Variants in IGSF21 observed in about 807,000 individuals in gnomAD.
IGSF21 encodes the protein immunoglobin superfamily member 21.
A neutral mutation model predicts 46.8 loss-of-function variants in IGSF21; 28 were observed. That is an observed-to-expected ratio of 0.60 (90% CI 0.44 to 0.82). IGSF21 has a LOEUF of 0.82. Ranked by LOEUF, IGSF21 falls within the 40% of genes least tolerant of loss-of-function variation. The pLI is 0.00. For synonymous variants in IGSF21, 284 were observed against 273.6 expected (o/e 1.04, Z -0.38); for missense variants, 624 against 665.5 (o/e 0.94, Z 0.69).
At chr1:18,279,120 T>G (rs1433752048) in intron 2 of IGSF21, among the ~76,000 whole-genome samples, 1 of 152,168 alleles carries the variant, frequency 6.6e-6, no homozygotes, top group East Asian at 1.9e-4. Context: ...AGCAACTTGA[T>G]TCTTCTAAGC....
At chr1:18,189,733 A>G (rs1261499812) in intron 1 of IGSF21, among the ~76,000 whole-genome samples, 1 of 152,088 alleles carries the variant, frequency 6.6e-6, no homozygotes, top group African/African-American at 2.4e-5. Flanking sequence ...ATCTGACAGG[A>G]GGTGGAGCTC....
intron 2 of IGSF21, among the ~76,000 whole-genome samples, chr1:18,235,148 A>T (rs1244432170): frequency 6.6e-6 from 1 of 152,240 alleles, no homozygotes; most frequent in Non-Finnish European, 1.5e-5. Flanking sequence ...CTGGAGCCTC[A>T]GGGCATTTGT....
intron 1 of IGSF21, among the ~76,000 whole-genome samples, chr1:18,189,232 T>C (rs1468478114): frequency 6.6e-6 from 1 of 152,226 alleles, no homozygotes; most frequent in Non-Finnish European, 1.5e-5. Flanking sequence ...TAGTTCTCTC[T>C]CTCGCTTGCT....
chr1:18,355,417 T>C (rs2086005236), intron 4 of IGSF21, among the ~76,000 whole-genome samples: 1 of 152,128 alleles, frequency 6.6e-6, no homozygotes, highest in South Asian at 2.1e-4. Flanking sequence ...AACCATTACC[T>C]CCCTGTGTCG....
At chr1:18,353,582 C>A (rs2085983273) in intron 4 of IGSF21, among the ~76,000 whole-genome samples, 1 of 152,084 alleles carries the variant, frequency 6.6e-6, no homozygotes, top group African/African-American at 2.4e-5. Flanking sequence ...AGAAAATATA[C>A]AAAATGCTGG....
chr1:18,244,294 C>T (rs1210414311), intron 2 of IGSF21, among the ~76,000 whole-genome samples: 1 of 152,218 alleles, frequency 6.6e-6, no homozygotes, highest in East Asian at 1.9e-4. Context: ...GGACGGAGCC[C>T]TAGCCTGCCA....
intron 1 of IGSF21, among the ~76,000 whole-genome samples, chr1:18,222,343 T>C (rs938922389): frequency 5.3e-5 from 8 of 152,134 alleles, no homozygotes; most frequent in African/African-American, 1.9e-4. Flanking sequence ...AATCTTCTCT[T>C]CTCTCCAGTC....
chr1:18,292,076 T>A (rs2085273359), intron 3 of IGSF21, 89 bp downstream of exon 3: 2 of 1,363,094 alleles, frequency 1.5e-6, no homozygotes, highest in East Asian at 2.3e-5. Context: ...CCCTTTCACA[T>A]CAATCCCTCG....
intron 1 of IGSF21, among the ~76,000 whole-genome samples, chr1:18,153,576 G>T (rs935484808): frequency 6.6e-6 from 1 of 152,312 alleles, no homozygotes; most frequent in African/African-American, 2.4e-5. Flanking sequence ...GACTGACTGG[G>T]AACCAGGTGC....
chr1:18,369,568 T>C (rs373217612), intron 6 of IGSF21, among the ~76,000 whole-genome samples: 7 of 152,314 alleles, frequency 4.6e-5, no homozygotes, highest in African/African-American at 1.4e-4. Context: ...ACCAGTGGAA[T>C]GTGCCATGAG....
intron 1 of IGSF21, among the ~76,000 whole-genome samples, chr1:18,191,596 C>G (rs755361716): frequency 2.6e-5 from 4 of 152,006 alleles, no homozygotes; most frequent in African/African-American, 9.6e-5. Context: ...TCCCCTGGCG[C>G]GGGAGCACAC....
rs2086120376 is a variant in IGSF21 at position 18,109,262 on chromosome 1, C to T, written c.70+1064C>T. The T allele has an allele frequency of 1.3e-5, 2 of 150,998 alleles. No homozygotes were observed. The highest frequency in any genetic ancestry group is 1.3e-4 in the Admixed American group (2 of 15,234). The allele number at this position is 150,998 out of a possible 1,614,324, so 9.4% of individuals were successfully genotyped here. On this transcript the variant is annotated intron_variant, in intron 1 of 9. Coordinates refer to ENST00000251296, the MANE Select transcript of IGSF21 (RefSeq NM_032880.5). The surrounding 1 kb of genome is among the most constrained non-coding windows in gnomAD (Gnocchi z 4.8). ...GGGACCAGCGAAGAGCCGCAGGCAC[C>T]GAGACTACAGGCTCCGCGTCCGGGA...
At chr1:18,201,589 G>A (rs955335178) in intron 1 of IGSF21, among the ~76,000 whole-genome samples, 21 of 152,142 alleles carry the variant, frequency 1.4e-4, no homozygotes, top group African/African-American at 3.9e-4. Flanking sequence ...TCACGCTGGT[G>A]AGGGACACCA....
At chr1:18,273,417 TTC>T (rs1175748150) in intron 2 of IGSF21, among the ~76,000 whole-genome samples, 18 of 147,542 alleles carry the variant, frequency 1.2e-4, no homozygotes, top group East Asian at 5.9e-4. Flanking sequence ...TTCCTTTCTT[TTC>T]CTTTCCTTTC....
intron 2 of IGSF21, among the ~76,000 whole-genome samples, chr1:18,260,040 C>A (rs528511877): frequency 6.6e-6 from 1 of 152,316 alleles, no homozygotes; most frequent in African/African-American, 2.4e-5. Context: ...TAAAAACATC[C>A]CCCTCATCGT....
intron 2 of IGSF21, among the ~76,000 whole-genome samples, chr1:18,235,719 C>A (rs182324295): frequency 6.6e-6 from 1 of 152,242 alleles, no homozygotes; most frequent in East Asian, 1.9e-4. Context: ...TGGAGTTATT[C>A]TAAGGGCACC....
At chr1:18,223,640 C>A (rs1185681842) in intron 1 of IGSF21, among the ~76,000 whole-genome samples, 1 of 152,200 alleles carries the variant, frequency 6.6e-6, no homozygotes, top group Non-Finnish European at 1.5e-5. Context: ...TATTTTAATA[C>A]TCTACTGATA....
At chr1:18,139,279 T>C (rs2086393410) in intron 1 of IGSF21, among the ~76,000 whole-genome samples, 2 of 152,190 alleles carry the variant, frequency 1.3e-5, no homozygotes, top group Admixed American at 6.5e-5. Flanking sequence ...TCATTTGGGC[T>C]GGGAAAATGC....
intron 2 of IGSF21, among the ~76,000 whole-genome samples, chr1:18,240,357 C>T (rs2883821): frequency 0.8 from 121,282 of 152,222 alleles, 49,287 homozygotes; most frequent in South Asian, 0.89. Context: ...TGTAGTTAAG[C>T]GGGAGGAAAC....
Sources: allele counts gnomAD v4.1 joint callset (sites outside exome capture counted in the v4.1 genomes callset), GRCh38; gene constraint gnomAD v4.1.1; non-coding constraint Gnocchi (gnomAD v3.1); transcripts MANE v1.5; gene names NCBI Gene and HGNC (gene_info 2026-07-23, HGNC 2026-07-21).